Variants in REC114 observed in about 807,000 individuals in gnomAD.
REC114 encodes the protein REC114 meiotic recombination protein, also known as meiotic recombination protein REC114.
REC114 carries 27 observed loss-of-function variants against 31.3 expected under a neutral mutation model. The observed-to-expected ratio is 0.86, with a 90% CI of 0.64 to 1.19. The LOEUF is 1.19. Ranked by LOEUF, REC114 falls within the 50% of genes most tolerant of loss-of-function variation. The probability of loss-of-function intolerance (pLI) is 0.00; values close to 1 mark genes in which losing one functional copy is unlikely to be tolerated. For synonymous variants in REC114, 134 were observed against 127.7 expected, an observed-to-expected ratio of 1.05 and a Z score of -0.33; for missense variants, 344 against 326.9, an observed-to-expected ratio of 1.05 and a Z score of -0.40.
intron 1 of REC114, among the ~76,000 whole-genome samples, chr15:73,444,493 G>A (rs993264389): frequency 5.9e-5 from 9 of 152,262 alleles, no homozygotes; most frequent in South Asian, 2.1e-4. Flanking sequence ...AAAGCAACTC[G>A]TCATCTCTTC....
chr15:73,542,297 C>T (rs1894249485), intron 3 of REC114, among the ~76,000 whole-genome samples: 1 of 148,992 alleles, frequency 6.7e-6, no homozygotes, highest in Non-Finnish European at 1.5e-5. Flanking sequence ...CACCACTACA[C>T]TCCAGCATGG....
At chr15:73,490,765 T>TATAA (rs1231959517) in intron 2 of REC114, among the ~76,000 whole-genome samples, 1 of 152,158 alleles carries the variant, frequency 6.6e-6, no homozygotes, top group African/African-American at 2.4e-5. Flanking sequence ...TATTCAACTA[T>TATAA]ATAAACCATC....
At chr15:73,484,160 A>G (rs935933645) in intron 2 of REC114, among the ~76,000 whole-genome samples, 1 of 152,106 alleles carries the variant, frequency 6.6e-6, no homozygotes, top group Admixed American at 6.5e-5. Context: ...TAGCTTTTAA[A>G]ACATTTTTGG....
rs1893070496 is a variant in REC114 at position 73,466,993 on chromosome 15, T to C, written c.160-6839T>C. 2.6e-5 allele frequency among the ~76,000 whole-genome samples: 4 copies of C among 152,228 alleles called. No homozygotes were observed. In the South Asian group the frequency reaches 6.2e-4, roughly 24 times the overall value. On this transcript the variant is annotated intron_variant, in intron 1 of 5. Transcript: ENST00000331090. The stretch of plus-strand genomic sequence containing the variant: ...AGAAAGGGTTGGATTAAGAACTTCA[T>C]GTTAAGCAGTCTTCAGGTTTAAGAA...
At position 73,483,818 on chromosome 15, in the gene REC114, A is replaced by C. The variant is rs573730681; in HGVS notation, c.249+9897A>C. ...TGGTGTATCTGCTGCAGCCTGGAGG[A>C]GGAGACTGCAGGCCCCTTCAGTTGG... is the stretch of plus-strand genomic sequence containing the variant. On this transcript the variant is annotated intron_variant, in intron 2 of 5. Coordinates refer to ENST00000331090, the MANE Select transcript of REC114 (RefSeq NM_001042367.2). 4.6e-5 allele frequency: 7 copies of C among 152,328 alleles called. No individual in the cohort carries two copies. The East Asian group carries it at 5.8e-4, about 13-fold the overall frequency. The allele number at this position is 152,328 out of a possible 1,614,324, so 9.4% of individuals were successfully genotyped here.
At chr15:73,503,223 C>G (rs1191406155) in intron 2 of REC114, among the ~76,000 whole-genome samples, 2 of 152,178 alleles carry the variant, frequency 1.3e-5, no homozygotes, top group African/African-American at 4.8e-5. Context: ...CAAATGCTTA[C>G]AGCAGTTTTA....
intron 1 of REC114, among the ~76,000 whole-genome samples, chr15:73,463,134 T>G (rs1893013019): frequency 6.6e-6 from 1 of 152,200 alleles, no homozygotes; most frequent in African/African-American, 2.4e-5. Flanking sequence ...AGTGTCATAA[T>G]TCTTTTAAAC....
intron 1 of REC114, among the ~76,000 whole-genome samples, chr15:73,456,382 G>A (rs1892916131): frequency 6.6e-6 from 1 of 151,494 alleles, no homozygotes; most frequent in African/African-American, 2.4e-5. Context: ...TTTTTTTATA[G>A]GAGGAACTTA....
chr15:73,467,047 G>GT (rs1893071468), intron 1 of REC114, among the ~76,000 whole-genome samples: 1 of 152,232 alleles, frequency 6.6e-6, no homozygotes, highest in Admixed American at 6.5e-5. Context: ...TGAAACAAGT[G>GT]TATGTGCCTA....
intron 2 of REC114, among the ~76,000 whole-genome samples, chr15:73,499,464 A>T (rs1455718778): frequency 6.6e-6 from 1 of 152,076 alleles, no homozygotes; most frequent in Non-Finnish European, 1.5e-5. Flanking sequence ...GACAAATCAT[A>T]TTAAAACCAA....
At chr15:73,462,224 C>T (rs1892999243) in intron 1 of REC114, among the ~76,000 whole-genome samples, 1 of 151,994 alleles carries the variant, frequency 6.6e-6, no homozygotes, top group Non-Finnish European at 1.5e-5. Context: ...GCCATCGTGC[C>T]CAGCCAACAT....
intron 1 of REC114, among the ~76,000 whole-genome samples, chr15:73,467,093 T>C (rs1392513172): frequency 6.6e-6 from 1 of 152,126 alleles, no homozygotes; most frequent in African/African-American, 2.4e-5. Flanking sequence ...TAACTGGGAG[T>C]TTCCCCAATG....
chr15:73,532,196 T>C (rs1198414445), intron 2 of REC114, among the ~76,000 whole-genome samples: 2 of 151,420 alleles, frequency 1.3e-5, no homozygotes, highest in Non-Finnish European at 2.9e-5. Flanking sequence ...CATGTGATCT[T>C]ATTGTTCAGT....
At chr15:73,558,489 A>G (rs1175003542) in intron 5 of REC114, among the ~76,000 whole-genome samples, 2 of 152,214 alleles carry the variant, frequency 1.3e-5, no homozygotes, top group African/African-American at 4.8e-5. Flanking sequence ...AACTTATTCA[A>G]CTGGTTTTAA....
intron 2 of REC114, among the ~76,000 whole-genome samples, chr15:73,502,542 T>G (rs931699974): frequency 1.3e-5 from 2 of 152,236 alleles, no homozygotes; most frequent in African/African-American, 2.4e-5. Context: ...AAAATACATT[T>G]ACTTTTTATT....
At chr15:73,521,761 GAAGA>G (rs914771283) in intron 2 of REC114, among the ~76,000 whole-genome samples, 1 of 152,076 alleles carries the variant, frequency 6.6e-6, no homozygotes, top group Non-Finnish European at 1.5e-5. Context: ...AAAGCTAACA[GAAGA>G]AAGAATAGAA....
At position 73,559,835 on chromosome 15, in the gene REC114, G is replaced by C. The variant is rs1239120215; in HGVS notation, c.720G>C (p.Leu240Phe). Residue 240 changes from leucine to phenylalanine, a missense_variant, in exon 6 of 6, where the codon TTG (leucine) becomes TTC (phenylalanine). Leu to Phe is a conservative substitution (Grantham distance 22, BLOSUM62 0). Transcript: ENST00000331090. The stretch of plus-strand genomic sequence containing the variant: ...AAGAGTTAGGCCCCTTCCTACGTTT[G>C]TGCCTTATGGATCAGAATTTCCCAG... The part of the protein sequence containing the change: ...GAEELGPFLR[L>F]CLMDQNFPAF... The C allele has an allele frequency of 1.9e-6, 3 of 1,612,738 alleles. No individual in the cohort carries two copies. The highest frequency in any genetic ancestry group is 2.5e-6 in the Non-Finnish European group (3 of 1,179,432).
chr15:73,444,096 A>C (rs922969555), intron 1 of REC114, among the ~76,000 whole-genome samples: 16 of 152,172 alleles, frequency 1.1e-4, no homozygotes, highest in Admixed American at 1.0e-3. Flanking sequence ...GCTAACACTC[A>C]CCTGAGCCTT....
intron 2 of REC114, among the ~76,000 whole-genome samples, chr15:73,527,064 G>A (rs1894018608): frequency 6.6e-6 from 1 of 151,738 alleles, no homozygotes; most frequent in African/African-American, 2.4e-5. Context: ...CTCCCATCTT[G>A]GGCTTCCAAA....
Sources: allele counts gnomAD v4.1 joint callset (sites outside exome capture counted in the v4.1 genomes callset), GRCh38; gene constraint gnomAD v4.1.1; transcripts MANE v1.5; gene names NCBI Gene and HGNC (gene_info 2026-07-23, HGNC 2026-07-21).